CREB5: variants seen among roughly 807,000 people sequenced by gnomAD.
CREB5 encodes the protein cAMP responsive element binding protein 5.
A neutral mutation model predicts 57.1 loss-of-function variants in CREB5; 19 were observed. That is an observed-to-expected ratio of 0.33 (90% CI 0.23 to 0.49). The LOEUF (loss-of-function observed/expected upper bound fraction) is 0.49, where lower values mean the gene tolerates loss of function less well. Among genes scored for constraint, CREB5 ranks in the 20% least tolerant of loss-of-function variants. The pLI is 0.99. For synonymous variants in CREB5, 238 were observed against 238.3 expected (o/e 1.00, Z 0.01); for missense variants, 579 against 671.6 (o/e 0.86, Z 1.52).
chr7:28,695,535 G>A lies in CREB5; in HGVS notation c.465-23218G>A, dbSNP rs546856966. On this transcript the variant is annotated intron_variant, in intron 5 of 10. Transcript: ENST00000357727. ...CTCCCTCTGGTCTGGAGAGAGGGGT[G>A]CAGAGGCCACAAGATAGCTTGCTTT... 9.3e-4 allele frequency among the ~76,000 whole-genome samples: 142 copies of A among 152,312 alleles called. 1 individual carries two copies. Among genetic ancestry groups the A allele is most frequent in the African/African-American group, 3.1e-3 (130 of 41,570 alleles).
At chr7:28,367,437 A>G (rs2127993235) in intron 1 of CREB5, among the ~76,000 whole-genome samples, 1 of 152,344 alleles carries the variant, frequency 6.6e-6, no homozygotes, top group Non-Finnish European at 1.5e-5. Context: ...TTCAGTTGTG[A>G]AATGAAAAAA....
intron 5 of CREB5, among the ~76,000 whole-genome samples, chr7:28,692,945 C>T (rs183625215): frequency 6.6e-6 from 1 of 152,224 alleles, no homozygotes; most frequent in African/African-American, 2.4e-5. Context: ...ATCTTTCCTT[C>T]CTGTACCTGC....
chr7:28,792,078 G>C (rs1441644274), intron 7 of CREB5, among the ~76,000 whole-genome samples: 2 of 152,194 alleles, frequency 1.3e-5, no homozygotes, highest in Non-Finnish European at 2.9e-5. Context: ...GCTAAGGCAG[G>C]CTGATCACTT....
At chr7:28,685,840 A>G (rs1221206696) in intron 5 of CREB5, 5 of 313,404 alleles carry the variant, frequency 1.6e-5, no homozygotes, top group Admixed American at 1.0e-4. Flanking sequence ...GTGCACCACG[A>G]AGGCTCTCCG....
intron 4 of CREB5, among the ~76,000 whole-genome samples, chr7:28,514,084 G>T (rs1278309809): frequency 6.6e-6 from 1 of 152,208 alleles, no homozygotes; most frequent in Non-Finnish European, 1.5e-5. Context: ...ACAGATATTT[G>T]TTCATCATCT....
intron 1 of CREB5, among the ~76,000 whole-genome samples, chr7:28,477,134 T>G (rs982702171): frequency 3.9e-5 from 6 of 152,198 alleles, no homozygotes; most frequent in African/African-American, 1.4e-4. Context: ...GTGCCCAAGT[T>G]GAATCATATT....
chr7:28,564,778 C>A (rs577430102), intron 4 of CREB5, among the ~76,000 whole-genome samples: 3 of 152,300 alleles, frequency 2.0e-5, no homozygotes, highest in Non-Finnish European at 4.4e-5. Flanking sequence ...GAATCATGAT[C>A]CCTTGGGGTT....
intron 7 of CREB5, among the ~76,000 whole-genome samples, chr7:28,766,244 AAC>A (rs1180552783): frequency 3.3e-5 from 5 of 152,188 alleles, no homozygotes; most frequent in South Asian, 4.1e-4. Context: ...AGAAATAAAA[AAC>A]AGTCTGTCAT....
intron 5 of CREB5, among the ~76,000 whole-genome samples, chr7:28,618,031 T>C (rs1006034932): frequency 4.6e-5 from 7 of 152,144 alleles, no homozygotes; most frequent in African/African-American, 1.7e-4. Flanking sequence ...AGAAAAGCTT[T>C]ATGAGAACGT....
intron 5 of CREB5, among the ~76,000 whole-genome samples, chr7:28,714,883 T>C (rs1013386408): frequency 3.9e-5 from 6 of 152,208 alleles, no homozygotes; most frequent in African/African-American, 1.4e-4. Context: ...CCTAGAGGCA[T>C]ATGGTTATTA....
intron 7 of CREB5, among the ~76,000 whole-genome samples, chr7:28,732,202 G>A (rs1385342381): frequency 6.6e-6 from 1 of 151,914 alleles, no homozygotes; most frequent in African/African-American, 2.4e-5. Context: ...CATTCTCCTA[G>A]GACTCATTGT....
intron 4 of CREB5, among the ~76,000 whole-genome samples, chr7:28,538,174 C>T (rs554170572): frequency 6.6e-6 from 1 of 152,174 alleles, no homozygotes; most frequent in Non-Finnish European, 1.5e-5. Context: ...TCACCTCAGC[C>T]TCCCAAGTGG....
At chr7:28,745,130 G>A (rs1288992410) in intron 7 of CREB5, among the ~76,000 whole-genome samples, 2 of 152,184 alleles carry the variant, frequency 1.3e-5, no homozygotes, top group Non-Finnish European at 2.9e-5. Context: ...CTTGCTCCAC[G>A]CTGGTCCTTG....
chr7:28,597,270 T>C (rs1796720841), intron 5 of CREB5, among the ~76,000 whole-genome samples: 1 of 152,204 alleles, frequency 6.6e-6, no homozygotes, highest in Non-Finnish European at 1.5e-5. Flanking sequence ...TGATGAGGCA[T>C]AGCCATTTAG....
At chr7:28,348,408 TCACACACA>T (rs59152695) in intron 1 of CREB5, among the ~76,000 whole-genome samples, 26,831 of 117,874 alleles carry the variant, frequency 0.23, 3,068 homozygotes, top group Non-Finnish European at 0.3. Flanking sequence ...TCTCTCTCTC[TCACACACA>T]CACACACACA....
chr7:28,708,811 C>T (rs1164674168), intron 5 of CREB5, among the ~76,000 whole-genome samples: 5 of 152,214 alleles, frequency 3.3e-5, no homozygotes, highest in African/African-American at 1.2e-4. Context: ...GTGGGGCTCT[C>T]CGTGTGACTG....
chr7:28,769,485 CTAATA>C (rs1477028843), intron 7 of CREB5, among the ~76,000 whole-genome samples: 1 of 152,014 alleles, frequency 6.6e-6, no homozygotes. Flanking sequence ...CAAATAAATA[CTAATA>C]AAATAAAATT....
chr7:28,779,858 C>A (rs1247243205), intron 7 of CREB5, among the ~76,000 whole-genome samples: 2 of 151,940 alleles, frequency 1.3e-5, no homozygotes. Context: ...TCTCTGACAC[C>A]CACTTTCTTT....
chr7:28,364,049 G>C (rs192966872), intron 1 of CREB5, among the ~76,000 whole-genome samples: 27 of 152,122 alleles, frequency 1.8e-4, no homozygotes, highest in Non-Finnish European at 3.7e-4. Context: ...AGTTGAAATG[G>C]ATAAGTAAAC....
Sources: gnomAD v4.1 joint callset for allele counts (sites outside exome capture counted in the v4.1 genomes callset) on GRCh38, gnomAD v4.1.1 for gene constraint, MANE v1.5 for transcripts, NCBI Gene and HGNC (gene_info 2026-07-23, HGNC 2026-07-21) for gene names.